The following C4orf54 variants were observed in gnomAD, a reference collection of about 807,000 sequenced individuals.
C4orf54 encodes chromosome 4 open reading frame 54, also known as uncharacterized protein C4orf54.
C4orf54 carries 67 observed loss-of-function variants against 80.1 expected under a neutral mutation model. The observed-to-expected ratio is 0.84, with a 90% CI of 0.69 to 1.03. The LOEUF is 1.03. Among genes scored for constraint, C4orf54 ranks in the 50% least tolerant of loss-of-function variants. The pLI is 0.00. For synonymous variants in C4orf54, 1,000 were observed against 917.0 expected (o/e 1.09, Z -1.64); for missense variants, 2,434 against 2,253.5 (o/e 1.08, Z -1.62).
Position 99,653,213 on chromosome 4 carries a change from G to A in C4orf54, c.1436C>T (p.Thr479Ile), listed in dbSNP as rs1302372008. The A allele has an allele frequency of 6.5e-7, 1 of 1,535,090 alleles. No homozygotes were observed. The highest frequency in any genetic ancestry group is 1.2e-5 in the South Asian group (1 of 83,992). Residue 479 changes from threonine (T) to isoleucine (I), a missense_variant, in exon 2 of 3, where the codon ACT (threonine) becomes ATT (isoleucine). Thr to Ile is a moderately conservative substitution (Grantham distance 89). Coordinates refer to ENST00000511828, the MANE Select transcript of C4orf54 (RefSeq NM_001354435.2). The stretch of plus-strand genomic sequence containing the variant: ...AGTGCCAGGCCCAGTGGGTGGGGGA[G>A]TGGGGCCACTGTCAGAGGGGCCACT... ...VGSGPSDSGP[T>I]PPPTGPGTAP...
Position 99,652,526 on chromosome 4 carries a change from T to A in C4orf54, c.2123A>T (p.Gln708Leu). Residue 708 changes from glutamine to leucine, a missense_variant, in exon 2 of 3, where the codon CAG becomes CTG. Gln to Leu is a moderately radical substitution (Grantham distance 113). Transcript: ENST00000511828. ...ARATADQLYI[Q>L]SKKSQTKALE... Reference sequence around the variant, plus strand: ...GGCCTTGGTCTGAGACTTCTTGGACTGGATGTAGAGCTGGTCGGCAGTGGC... The same window carrying A: ...GGCCTTGGTCTGAGACTTCTTGGACAGGATGTAGAGCTGGTCGGCAGTGGC... 1 of 1,536,040 alleles carries A rather than the reference T, an allele frequency of 6.5e-7. No homozygotes were observed. The highest frequency in any genetic ancestry group is 1.4e-5 in the African/African-American group (1 of 73,144).
Position 99,651,399 on chromosome 4 carries a change from C to G in C4orf54, c.3250G>C (p.Val1084Leu). Residue 1084 changes from valine to leucine, a missense_variant, in exon 2 of 3, where the codon GTG (valine) becomes CTG (leucine). By Grantham distance (32) the Val-to-Leu change is conservative (BLOSUM62 1). Coordinates refer to ENST00000511828, the MANE Select transcript of C4orf54 (RefSeq NM_001354435.2). Reference sequence around the variant, plus strand: ...ATGTCTCTCACCTGGAAATGGGGCACTTTTTCTAGGTTGTCCCCGCGGAAG... The same window carrying G: ...ATGTCTCTCACCTGGAAATGGGGCAGTTTTTCTAGGTTGTCCCCGCGGAAG... ...KLFRGDNLEK[V>L]PHFQVRDIRD... 6.5e-7 allele frequency: 1 copy of G among 1,536,268 alleles called. No homozygotes were observed. Among genetic ancestry groups the G allele is most frequent in the Non-Finnish European group, 8.7e-7 (1 of 1,146,928 alleles).
intron 2 of C4orf54, among the ~76,000 whole-genome samples, chr4:99,644,923 A>G (rs1414591321): frequency 1.3e-5 from 2 of 151,820 alleles, no homozygotes; most frequent in African/African-American, 4.8e-5. Flanking sequence ...GCAATGGAAA[A>G]AAGAGAGACT....
rs1247595989 is a variant in C4orf54, at chr4:99,639,659, T to C, written c.*1574A>G. On this transcript the variant is annotated 3_prime_UTR_variant, in exon 3 of 3. Transcript: ENST00000511828. ...CTTTCCCTATACCCAAGAGAACTTT[T>C]TTTCAGAGTAAGATCCCTTAAAGGA... 6.6e-6 allele frequency: 1 copy of C among 152,112 alleles called. No individual in the cohort carries two copies. The highest frequency in any genetic ancestry group is 1.5e-5 in the Non-Finnish European group (1 of 67,986). The allele number at this position is 152,112 out of a possible 1,614,324, so 9.4% of individuals were successfully genotyped here.
rs1324559978 is a variant in C4orf54 at position 99,650,647 on chromosome 4, C to A, written c.4002G>T (p.Gly1334=). Reference sequence around the variant, plus strand: ...TCCGCTGCAGACGTTCTATGGGGGCCCCTCGCAGGACCACACCAGCTTTGT... The same window carrying A: ...TCCGCTGCAGACGTTCTATGGGGGCACCTCGCAGGACCACACCAGCTTTGT... ...TGNKAGVVLR[G]APIERLQRRN... Residue 1334 remains glycine, a synonymous_variant, in exon 2 of 3, where the codon GGG becomes GGT. Transcript: ENST00000511828. 1.3e-6 allele frequency: 2 copies of A among 1,536,032 alleles called. No homozygotes were observed. The highest frequency in any genetic ancestry group is 8.7e-7 in the Non-Finnish European group (1 of 1,146,882).
chr4:99,645,007 A>G (rs992624645), intron 2 of C4orf54, among the ~76,000 whole-genome samples: 6 of 151,940 alleles, frequency 3.9e-5, no homozygotes, highest in African/African-American at 1.2e-4. Context: ...GGAGAAATGG[A>G]CAAGAAGAAG....
At position 99,653,093 on chromosome 4, in the gene C4orf54, A is replaced by C. The variant is rs1486507259; in HGVS notation, c.1556T>G (p.Ile519Ser). ...ASSCGSAASQ[I>S]LLSIKPASRA... ...GGAAGCCGGTTTGATTGATAGGAGG[A>C]TCTGGCTTGCTGCACTCCCACAGCT... Residue 519 changes from isoleucine (I) to serine (S), a missense_variant, in exon 2 of 3, where the codon ATC (isoleucine) becomes AGC (serine). Coordinates refer to ENST00000511828, the MANE Select transcript of C4orf54 (RefSeq NM_001354435.2). The C allele has an allele frequency of 6.5e-7, 1 of 1,536,092 alleles. No homozygotes were observed. The highest frequency in any genetic ancestry group is 2.4e-5 in the East Asian group (1 of 40,886).
In C4orf54 at chr4:99,654,098, G is replaced by A. The variant is rs533012406; in HGVS notation, c.551C>T (p.Pro184Leu). 6.5e-7 allele frequency: 1 copy of A among 1,536,146 alleles called. No individual in the cohort carries two copies. Among genetic ancestry groups the A allele is most frequent in the Admixed American group, 2.0e-5 (1 of 51,002 alleles). The change falls in exon 2 of 3, where the codon CCT (proline) becomes CTT (leucine). Residue 184 changes from proline (P) to leucine (L), a missense_variant. Physicochemically the swap from Pro to Leu is moderately conservative, Grantham distance 98. Transcript: ENST00000511828. ...LKQQLWPLPK[P>L]SASSQREAKY... The stretch of plus-strand genomic sequence containing the variant: ...CGCTTCTCGCTGGGAGGAGGCTGAA[G>A]GCTTGGGAAGTGGCCACAGCTGCTG...
chr4:99,652,306 C>T lies in C4orf54; in HGVS notation c.2343G>A (p.Ser781=), dbSNP rs973846472. The T allele has an allele frequency of 1.1e-4, 166 of 1,535,742 alleles. No homozygotes were observed. Among genetic ancestry groups the T allele is most frequent in the Middle Eastern group, 1.7e-4 (1 of 5,998 alleles). Residue 781 remains serine (S), a synonymous_variant, in exon 2 of 3, where the codon TCG becomes TCA. Transcript: ENST00000511828. ...ATKGPGKGPG[S]AYTDDGSETS... is the part of the protein sequence containing the mutation. ...TCTCGGAGCCGTCGTCCGTGTATGCCGACCCGGGACCCTTGCCGGGGCCTT... is the reference window on the plus strand; with the variant it reads ...TCTCGGAGCCGTCGTCCGTGTATGCTGACCCGGGACCCTTGCCGGGGCCTT...
Position 99,653,863 on chromosome 4 carries a change from C to G in C4orf54, c.786G>C (p.Glu262Asp). The change falls in exon 2 of 3, where the codon GAG becomes GAC. Residue 262 changes from glutamate to aspartate, a missense_variant. Transcript: ENST00000511828. ...ATGAGGAAGATGAGAAATTGCCACC[C>G]TCTTCAGAGGCAGAGTGCTGGGATC... ...LSRSQHSASEEGGNFSSSSSS... is the reference protein window; with the variant it reads ...LSRSQHSASEDGGNFSSSSSS... 6.5e-7 allele frequency: 1 copy of G among 1,536,196 alleles called. No homozygotes were observed. Among genetic ancestry groups the G allele is most frequent in the Non-Finnish European group, 8.7e-7 (1 of 1,146,908 alleles).
At chr4:99,648,839 C>G (rs1726742687) in intron 2 of C4orf54, among the ~76,000 whole-genome samples, 1 of 152,150 alleles carries the variant, frequency 6.6e-6, no homozygotes, top group African/African-American at 2.4e-5. Flanking sequence ...TTCAGTGCCT[C>G]CTGTCCCTGG....
At chr4:99,644,848 A>G (rs1726673093) in intron 2 of C4orf54, among the ~76,000 whole-genome samples, 1 of 149,420 alleles carries the variant, frequency 6.7e-6, no homozygotes, top group Admixed American at 6.7e-5. Context: ...AGAAACCGCA[A>G]TAAGGAACAA....
Position 99,652,571 on chromosome 4 carries a change from C to G in C4orf54, c.2078G>C (p.Arg693Thr). The G allele has an allele frequency of 6.5e-7, 1 of 1,536,058 alleles. No homozygotes were observed. Among genetic ancestry groups the G allele is most frequent in the Middle Eastern group, 1.7e-4 (1 of 5,990 alleles). The change falls in exon 2 of 3, where the codon AGG becomes ACG. Residue 693 changes from arginine to threonine, a missense_variant. Arg to Thr is a moderately conservative substitution (Grantham distance 71). Coordinates refer to ENST00000511828, the MANE Select transcript of C4orf54 (RefSeq NM_001354435.2). ...AGTGGCCCGGGCCCCACTGCCCTTC[C>G]TCAGACCTGCAGCCACAGAGGCCGC... ...SSAASVAAGL[R>T]KGSGARATAD...
intron 2 of C4orf54, among the ~76,000 whole-genome samples, chr4:99,643,793 C>T (rs1204254850): frequency 1.3e-5 from 1 of 75,246 alleles, no homozygotes; most frequent in African/African-American, 4.4e-5. Context: ...CACACACACA[C>T]CCCCTCCGCG....
At position 99,652,285 on chromosome 4, in the gene C4orf54, G is replaced by A. The variant is rs554290972; in HGVS notation, c.2364C>T (p.Ser788=). The A allele has an allele frequency of 3.2e-5, 49 of 1,535,816 alleles. No homozygotes were observed. The highest frequency in any genetic ancestry group is 2.9e-4 in the Admixed American group (15 of 50,984). Residue 788 remains serine (S), a synonymous_variant, in exon 2 of 3, where the codon TCC becomes TCT. Coordinates refer to ENST00000511828, the MANE Select transcript of C4orf54 (RefSeq NM_001354435.2). ...GPGSAYTDDG[S]ETSEGSKPTS... is the part of the protein sequence containing the mutation. ...TGGGCTTGCTGCCCTCGGAGGTCTC[G>A]GAGCCGTCGTCCGTGTATGCCGACC... is the stretch of plus-strand genomic sequence containing the variant.
At position 99,650,011 on chromosome 4, in the gene C4orf54, G is replaced by A. The variant is rs574448728; in HGVS notation, c.4638C>T (p.Pro1546=). Residue 1546 remains proline (P), a synonymous_variant, in exon 2 of 3, where the codon CCC becomes CCT. Coordinates refer to ENST00000511828, the MANE Select transcript of C4orf54 (RefSeq NM_001354435.2). ...PDNPRETVAA[P]PGPQSPEHPP... Reference sequence around the variant, plus strand: ...GATGCTCGGGGCTCTGTGGCCCTGGGGGGGCAGCTACTGTCTCCCGGGGGT... The same window carrying A: ...GATGCTCGGGGCTCTGTGGCCCTGGAGGGGCAGCTACTGTCTCCCGGGGGT... 7.8e-6 allele frequency: 12 copies of A among 1,535,372 alleles called. No homozygotes were observed. The African/African-American group carries it at 1.5e-4, about 19-fold the overall frequency.
In C4orf54 at chr4:99,650,146, G is replaced by C; in HGVS notation, c.4503C>G (p.Ala1501=). ...SREGPPNSSA[A]TLCSLPPLSA... The stretch of plus-strand genomic sequence containing the variant: ...TCAGCGGGGGTAAACTACAGAGAGT[G>C]GCAGCTGAGGAGTTGGGGGGCCCCT... The change falls in exon 2 of 3, where the codon GCC becomes GCG. Residue 1501 remains alanine, a synonymous_variant. Coordinates refer to ENST00000511828, the MANE Select transcript of C4orf54 (RefSeq NM_001354435.2). The C allele has an allele frequency of 6.5e-7, 1 of 1,536,006 alleles. No homozygotes were observed. The highest frequency in any genetic ancestry group is 1.2e-5 in the South Asian group (1 of 84,056).
rs1243201517 is a variant in C4orf54 at position 99,650,711 on chromosome 4, G to C, written c.3938C>G (p.Ser1313Cys). ...VVADGDHDKL[S>C]KRLGEVEERG... ...CTCTTCCACCTCACCCAGCCGTTTG[G>C]ACAGCTTGTCGTGGTCTCCATCAGC... Residue 1313 changes from serine (S) to cysteine (C), a missense_variant, in exon 2 of 3, where the codon TCC (serine) becomes TGC (cysteine). Coordinates refer to ENST00000511828, the MANE Select transcript of C4orf54 (RefSeq NM_001354435.2). The C allele has an allele frequency of 6.5e-7, 1 of 1,536,124 alleles. No homozygotes were observed. Among genetic ancestry groups the C allele is most frequent in the Non-Finnish European group, 8.7e-7 (1 of 1,146,918 alleles).
intron 2 of C4orf54, among the ~76,000 whole-genome samples, chr4:99,644,738 T>C (rs1726670288): frequency 8.2e-6 from 1 of 121,464 alleles, no homozygotes; most frequent in Non-Finnish European, 1.6e-5. Context: ...GTCTAATCTA[T>C]GATAATAATA....
Sources: gnomAD v4.1 joint callset for allele counts (sites outside exome capture counted in the v4.1 genomes callset) on GRCh38, gnomAD v4.1.1 for gene constraint, MANE v1.5 for transcripts, NCBI Gene and HGNC (gene_info 2026-07-23, HGNC 2026-07-21) for gene names.